Variants in SPG11 observed in about 807,000 individuals in gnomAD.
SPG11 encodes spatacsin.
SPG11 carries 222 observed loss-of-function variants against 274.0 expected under a neutral mutation model. The observed-to-expected ratio is 0.81, with a 90% CI of 0.73 to 0.91. The LOEUF is 0.91. Among genes scored for constraint, SPG11 ranks in the 40% least tolerant of loss-of-function variants. The probability of loss-of-function intolerance (pLI) is 0.00; values close to 1 mark genes in which losing one functional copy is unlikely to be tolerated. For synonymous variants in SPG11, 1,144 were observed against 1,039.7 expected (o/e 1.10, Z -1.93); for missense variants, 3,114 against 2,872.7 (o/e 1.08, Z -1.92).
At chr15:44,642,581 C>T (rs2084486048) in intron 7 of SPG11, among the ~76,000 whole-genome samples, 1 of 151,486 alleles carries the variant, frequency 6.6e-6, no homozygotes, top group African/African-American at 2.4e-5. Flanking sequence ...TTCAGAATGG[C>T]TGGGCATGGT....
intron 30 of SPG11, among the ~76,000 whole-genome samples, chr15:44,583,121 AGG>A (rs1191055118): frequency 6.6e-6 from 1 of 152,248 alleles, no homozygotes; most frequent in Non-Finnish European, 1.5e-5. Context: ...GAAAATCTTG[AGG>A]AATCTACAAG....
intron 11 of SPG11, among the ~76,000 whole-genome samples, chr15:44,625,085 G>C (rs1047787307): frequency 7.4e-5 from 11 of 147,678 alleles, no homozygotes; most frequent in Non-Finnish European, 1.3e-4. Flanking sequence ...TGTGAGCCAA[G>C]ATCGCACCAT....
At chr15:44,649,514 G>A (rs996542183) in intron 6 of SPG11, among the ~76,000 whole-genome samples, 3 of 152,008 alleles carry the variant, frequency 2.0e-5, no homozygotes, top group African/African-American at 4.8e-5. Context: ...TTACAAGCGT[G>A]AGCCACTGCA....
At position 44,570,611 on chromosome 15, in the gene SPG11, G is replaced by A. The variant is rs775209503; in HGVS notation, c.6391C>T (p.His2131Tyr). Residue 2131 changes from histidine to tyrosine, a missense_variant, in exon 34 of 40, where the codon CAC becomes TAC. His to Tyr is a moderately conservative substitution (Grantham distance 83). Coordinates refer to ENST00000261866, the MANE Select transcript of SPG11 (RefSeq NM_025137.4). The part of the protein sequence containing the change: ...LAHHCFTLTC[H>Y]MEGIIRVLQA... ...AGGACTCGGATGATGCCCTCCATGT[G>A]GCACGTCAGGGTGAAGCAATGATGG... is the stretch of plus-strand genomic sequence containing the variant. 6 of 1,613,962 alleles carry A rather than the reference G, an allele frequency of 3.7e-6. No individual in the cohort carries two copies. In the Admixed American group the frequency reaches 8.3e-5, roughly 22 times the overall value.
chr15:44,584,802 A>C (rs573029585), intron 29 of SPG11, among the ~76,000 whole-genome samples: 1 of 151,856 alleles, frequency 6.6e-6, no homozygotes, highest in Admixed American at 6.6e-5. Context: ...GCTAATTTTT[A>C]ATTTTTTGTA....
intron 7 of SPG11, among the ~76,000 whole-genome samples, chr15:44,641,652 T>C (rs1263518655): frequency 7.8e-6 from 1 of 128,378 alleles, no homozygotes; most frequent in Non-Finnish European, 1.6e-5. Context: ...ATCAGGGAAA[T>C]GCAAATGAAA....
chr15:44,583,932 T>G lies in SPG11; in HGVS notation c.5748A>C (p.Ala1916=). The G allele has an allele frequency of 6.2e-7, 1 of 1,614,228 alleles. No homozygotes were observed. The highest frequency in any genetic ancestry group is 1.1e-5 in the South Asian group (1 of 91,086). The change falls in exon 30 of 40, where the codon GCA becomes GCC. Residue 1916 remains alanine, a synonymous_variant. Transcript: ENST00000261866. ...PDVALVLHCR[A]LASGEASMED... is the part of the protein sequence containing the mutation. Reference sequence around the variant, plus strand: ...CCATACTAGCTTCCCCTGAGGCCAGTGCTCTGCAGTGCAATACCAAGGCGA... The same window carrying G: ...CCATACTAGCTTCCCCTGAGGCCAGGGCTCTGCAGTGCAATACCAAGGCGA...
chr15:44,608,745 T>C (rs1325600675), intron 18 of SPG11, 140 bp from the exon 19 acceptor site: 12 of 758,180 alleles, frequency 1.6e-5, no homozygotes, highest in Non-Finnish European at 2.5e-5. Context: ...CAAGTAGTCA[T>C]AAGTTAACAG....
rs143891528 is a variant in SPG11 at position 44,651,216 on chromosome 15, G to T, written c.1456+275C>A. ...CTTGCTTACAACCTCTGCTTGTGAA[G>T]TCAAATGAAGACTCTTTGGGTTAAA... On this transcript the variant is annotated intron_variant, in intron 6 of 39. Coordinates refer to ENST00000261866, the MANE Select transcript of SPG11 (RefSeq NM_025137.4). 7.1e-3 allele frequency among the ~76,000 whole-genome samples: 1,086 copies of T among 152,250 alleles called. 4 individuals carry two copies. The highest frequency in any genetic ancestry group is 8.6e-3 in the Admixed American group (132 of 15,284).
Position 44,626,326 on chromosome 15 carries a change from C to T in SPG11, c.2244+5G>A, listed in dbSNP as rs1330702477. ...TTTTAAGACTTTATGGATTACACCA[C>T]TCACCATATTCTTCAAAAGTTCAGA... On this transcript the variant is annotated splice_donor_5th_base_variant and intron_variant, in intron 11 of 39. Coordinates refer to ENST00000261866, the MANE Select transcript of SPG11 (RefSeq NM_025137.4). The T allele has an allele frequency of 6.2e-6, 10 of 1,608,564 alleles. No homozygotes were observed. Among genetic ancestry groups the T allele is most frequent in the Non-Finnish European group, 7.6e-6 (9 of 1,177,416 alleles).
chr15:44,598,134 C>CCCAAGAAAG, intron 23 of SPG11, 131 bp downstream of exon 23: 1 of 692,542 alleles, frequency 1.4e-6, no homozygotes, highest in Non-Finnish European at 2.6e-6. Flanking sequence ...CTGCTACATG[C>CCCAAGAAAG]TAGATAAAGA....
chr15:44,623,764 TC>T (rs2083819747), intron 11 of SPG11, among the ~76,000 whole-genome samples: 1 of 152,118 alleles, frequency 6.6e-6, no homozygotes, highest in East Asian at 1.9e-4. Context: ...CTTTTCTTTT[TC>T]TTTTTTTTTG....
chr15:44,653,623 G>A (rs547332950), intron 4 of SPG11, among the ~76,000 whole-genome samples: 3 of 152,306 alleles, frequency 2.0e-5, no homozygotes, highest in East Asian at 3.9e-4. Flanking sequence ...GTGGCATAGA[G>A]TGACGACAGA....
chr15:44,576,991 T>C (rs1402263799), intron 30 of SPG11, among the ~76,000 whole-genome samples: 1 of 151,906 alleles, frequency 6.6e-6, no homozygotes, highest in Non-Finnish European at 1.5e-5. Flanking sequence ...CACGCCCAGC[T>C]AATTTTTTGT....
At chr15:44,575,878 C>G (rs376877414) in intron 30 of SPG11, among the ~76,000 whole-genome samples, 4 of 152,048 alleles carry the variant, frequency 2.6e-5, no homozygotes, top group East Asian at 3.9e-4. Flanking sequence ...TGCGGTGGCT[C>G]ACGCCTATAA....
In SPG11 at chr15:44,562,808, C is replaced by T. The variant is rs2082219616; in HGVS notation, c.*313G>A. The T allele has an allele frequency of 3.7e-6, 1 of 267,272 alleles. No individual in the cohort carries two copies. Among genetic ancestry groups the T allele is most frequent in the Non-Finnish European group, 7.2e-6 (1 of 138,958 alleles). The allele number at this position is 267,272 out of a possible 1,614,324, so 16.6% of individuals were successfully genotyped here. On this transcript the variant is annotated 3_prime_UTR_variant, in exon 40 of 40. Coordinates refer to ENST00000261866, the MANE Select transcript of SPG11 (RefSeq NM_025137.4). The stretch of plus-strand genomic sequence containing the variant: ...TAAATTTCTTTGAAACTGGAATCTG[C>T]AGGTACAGGTATTCTTTAATCATTA...
At chr15:44,564,519 A>ATGTT in intron 39 of SPG11, 28 bp downstream of exon 39, 1 of 1,611,332 alleles carries the variant, frequency 6.2e-7, no homozygotes, top group Non-Finnish European at 8.5e-7. Flanking sequence ...GCAAGGAGCA[A>ATGTT]TGTTTACAGT....
rs566201722 is a variant in SPG11 at position 44,563,133 on chromosome 15, C to T, written c.7320G>A (p.Met2440Ile). 9.3e-6 allele frequency: 15 copies of T among 1,614,138 alleles called. 1 individual carries two copies. The South Asian group carries it at 1.5e-4, about 17-fold the overall frequency. The stretch of plus-strand genomic sequence containing the variant: ...CCTATGAAATCATCTAACCTGCTAG[C>T]ATGTCCTTTAGACAGCAACCTGTCT... ...DPQTGCCLKDMLAG is the reference protein window; with the variant it reads ...DPQTGCCLKDILAG Residue 2440 changes from methionine to isoleucine, a missense_variant, in exon 40 of 40, where the codon ATG (methionine) becomes ATA (isoleucine). By Grantham distance (10) the Met-to-Ile change is conservative (BLOSUM62 1). Transcript: ENST00000261866.
At chr15:44,579,194 G>A (rs2082608830) in intron 30 of SPG11, among the ~76,000 whole-genome samples, 1 of 151,626 alleles carries the variant, frequency 6.6e-6, no homozygotes, top group African/African-American at 2.4e-5. Context: ...AACCCAAAAT[G>A]TCCAGATGCA....
Sources: gnomAD v4.1 joint callset for allele counts (sites outside exome capture counted in the v4.1 genomes callset) on GRCh38, gnomAD v4.1.1 for gene constraint, MANE v1.5 for transcripts, NCBI Gene and HGNC (gene_info 2026-07-23, HGNC 2026-07-21) for gene names.